ARHGAP32: variants seen among roughly 807,000 people sequenced by gnomAD.
The protein encoded by ARHGAP32 is Rho GTPase activating protein 32.
Under a neutral mutation model 186.5 loss-of-function variants are expected in ARHGAP32, and 51 were observed. The observed-to-expected ratio is 0.27, with a 90% CI of 0.22 to 0.35. The LOEUF is 0.35. Ranked by LOEUF, ARHGAP32 falls within the 10% of genes least tolerant of loss-of-function variation. The pLI is 1.00. For synonymous variants in ARHGAP32, 950 were observed against 964.3 expected, an observed-to-expected ratio of 0.99 and a Z score of 0.27; for missense variants, 2,186 against 2,623.5, an observed-to-expected ratio of 0.83 and a Z score of 3.64.
intron 1 of ARHGAP32, among the ~76,000 whole-genome samples, chr11:129,189,956 G>T (rs1565462690): frequency 6.6e-6 from 1 of 152,062 alleles, no homozygotes; most frequent in Non-Finnish European, 1.5e-5. Context: ...TTAAAATGTA[G>T]TTTACAAGCT....
rs776733741 is a variant in ARHGAP32 at position 129,164,446 on chromosome 11, A to C, written c.117-19T>G. 2.2e-6 allele frequency: 3 copies of C among 1,363,092 alleles called. No homozygotes were observed. 84.4% of individuals were successfully genotyped at this position (1,363,092 alleles called of 1,614,324 possible). On this transcript the variant is annotated intron_variant, in intron 1 of 22. Coordinates refer to ENST00000682385, the MANE Select transcript of ARHGAP32 (RefSeq NM_001378024.1). ...CATCTTCCTAGAGATCAAAACACGA[A>C]AGATTCTGATAAGAATTTCCAATTC...
In ARHGAP32 at chr11:128,978,814, CGCT is replaced by C. The variant is rs1565352673; in HGVS notation, c.2075_2077del (p.Gln692del). The stretch of plus-strand genomic sequence containing the variant: ...CATCTCTGAAGGCTCACTCTCATTC[CGCT>C]GCAGCTTTCGTTTAGAAACAGATGA... On this transcript the variant is annotated inframe_deletion, in exon 19 of 23. Coordinates refer to ENST00000682385, the MANE Select transcript of ARHGAP32 (RefSeq NM_001378024.1). 6 of 1,613,236 alleles carry C rather than the reference CGCT, an allele frequency of 3.7e-6. No homozygotes were observed. Among genetic ancestry groups the C allele is most frequent in the Non-Finnish European group, 4.2e-6 (5 of 1,179,676 alleles).
chr11:129,144,067 A>C (rs1943119684), intron 2 of ARHGAP32, among the ~76,000 whole-genome samples: 1 of 152,220 alleles, frequency 6.6e-6, no homozygotes, highest in Non-Finnish European at 1.5e-5. Flanking sequence ...GTGATTCTTA[A>C]AAAATAAGTA....
chr11:129,103,507 C>T lies in ARHGAP32; in HGVS notation c.445-9800G>A, dbSNP rs534709670. 5.9e-5 allele frequency among the ~76,000 whole-genome samples: 9 copies of T among 152,126 alleles called. No homozygotes were observed. The South Asian group carries it at 1.9e-3, about 32-fold the overall frequency. ...TATCTCAGGAGATACCAGATGAGAA[C>T]TTTCCAAAATATGTGAAAACATCAG... On this transcript the variant is annotated intron_variant, in intron 5 of 22. Coordinates refer to ENST00000682385, the MANE Select transcript of ARHGAP32 (RefSeq NM_001378024.1).
At chr11:129,072,909 T>C (rs938821885) in intron 6 of ARHGAP32, among the ~76,000 whole-genome samples, 1 of 152,180 alleles carries the variant, frequency 6.6e-6, no homozygotes, top group Non-Finnish European at 1.5e-5. Flanking sequence ...CCTCATTTTC[T>C]GGAGTAAGAA....
At chr11:129,238,251 A>G (rs963456240) in intron 1 of ARHGAP32, among the ~76,000 whole-genome samples, 1 of 152,122 alleles carries the variant, frequency 6.6e-6, no homozygotes, top group African/African-American at 2.4e-5. Context: ...TCATATTAAA[A>G]GATTTTTCCT....
chr11:129,201,215 A>T (rs1448294979), intron 1 of ARHGAP32, among the ~76,000 whole-genome samples: 1 of 152,206 alleles, frequency 6.6e-6, no homozygotes, highest in East Asian at 1.9e-4. Context: ...AATTCAACTG[A>T]CATGGTCTTC....
chr11:129,077,821 A>G (rs757652984), intron 6 of ARHGAP32, among the ~76,000 whole-genome samples: 13 of 152,040 alleles, frequency 8.6e-5, no homozygotes, highest in Non-Finnish European at 1.9e-4. Flanking sequence ...CCTCTATACT[A>G]CCACAGCTGA....
intron 1 of ARHGAP32, among the ~76,000 whole-genome samples, chr11:129,264,754 C>G (rs1235609670): frequency 1.3e-5 from 2 of 152,070 alleles, no homozygotes; most frequent in African/African-American, 4.8e-5. Flanking sequence ...GACATAAAAT[C>G]AGGTCTGGGA....
rs944164322 is a variant in ARHGAP32, at chr11:128,965,495, A to T, written c.*3412T>A. On this transcript the variant is annotated 3_prime_UTR_variant, in exon 23 of 23. Transcript: ENST00000682385. Reference sequence around the variant, plus strand: ...TTTGCTATCTCAGAATCTAAACTGTAAAACCATTTTTATTCTTTGAACATT... The same window carrying T: ...TTTGCTATCTCAGAATCTAAACTGTTAAACCATTTTTATTCTTTGAACATT... 6.6e-6 allele frequency: 1 copy of T among 152,204 alleles called. No individual in the cohort carries two copies. Among genetic ancestry groups the T allele is most frequent in the Non-Finnish European group, 1.5e-5 (1 of 68,046 alleles). 9.4% of individuals were successfully genotyped at this position (152,204 alleles called of 1,614,324 possible).
intron 1 of ARHGAP32, among the ~76,000 whole-genome samples, chr11:129,222,436 A>G (rs1225576895): frequency 6.6e-6 from 1 of 152,206 alleles, no homozygotes; most frequent in African/African-American, 2.4e-5. Context: ...GCCAAAAGCT[A>G]TGCCCTGCTA....
At chr11:129,086,013 CAAACAAAAAAAAA>C (rs912049961) in intron 6 of ARHGAP32, among the ~76,000 whole-genome samples, 120 of 122,102 alleles carry the variant, frequency 9.8e-4, no homozygotes, top group African/African-American at 3.4e-3. Flanking sequence ...AACAAACAAA[CAAACAAAAAAAAA>C]AAACAAAAAA....
chr11:129,163,818 C>G (rs1943577953), intron 2 of ARHGAP32, among the ~76,000 whole-genome samples: 1 of 152,088 alleles, frequency 6.6e-6, no homozygotes, highest in Admixed American at 6.6e-5. Context: ...AAGTCTTCAT[C>G]AATAAAGTAC....
chr11:129,190,682 A>C (rs950570106), intron 1 of ARHGAP32, among the ~76,000 whole-genome samples: 16 of 152,232 alleles, frequency 1.1e-4, no homozygotes, highest in African/African-American at 3.6e-4. Context: ...AATAAGTTCC[A>C]AGTTGTTTCT....
At chr11:129,115,418 A>C (rs1011061170) in intron 5 of ARHGAP32, among the ~76,000 whole-genome samples, 10 of 152,272 alleles carry the variant, frequency 6.6e-5, no homozygotes, top group Middle Eastern at 3.4e-3. Flanking sequence ...TAACAGACCT[A>C]AGAGTTTTTC....
At chr11:129,132,184 A>G (rs989371087) in intron 2 of ARHGAP32, among the ~76,000 whole-genome samples, 9 of 152,380 alleles carry the variant, frequency 5.9e-5, no homozygotes, top group Admixed American at 2.6e-4. Context: ...AAAGTCCCCA[A>G]TAAAAAACGG....
chr11:129,239,646 T>C (rs1944988302), intron 1 of ARHGAP32, among the ~76,000 whole-genome samples: 1 of 151,970 alleles, frequency 6.6e-6, no homozygotes, highest in Non-Finnish European at 1.5e-5. Flanking sequence ...ACATTAGGGT[T>C]AGCATCATCT....
intron 6 of ARHGAP32, among the ~76,000 whole-genome samples, chr11:129,092,859 C>T (rs151039732): frequency 1.2e-3 from 182 of 152,066 alleles, no homozygotes; most frequent in Non-Finnish European, 1.3e-3. Flanking sequence ...TAGAAGAAAG[C>T]TTTCCTCCTA....
At chr11:129,210,130 T>C (rs1422069980) in intron 1 of ARHGAP32, among the ~76,000 whole-genome samples, 4 of 152,190 alleles carry the variant, frequency 2.6e-5, no homozygotes, top group Non-Finnish European at 5.9e-5. Context: ...AAGAATTAAG[T>C]CAATGGCTAC....
Sources: gnomAD v4.1 joint callset for allele counts (sites outside exome capture counted in the v4.1 genomes callset) on GRCh38, gnomAD v4.1.1 for gene constraint, MANE v1.5 for transcripts, NCBI Gene and HGNC (gene_info 2026-07-23, HGNC 2026-07-21) for gene names.